ABLIM2: variants seen among roughly 807,000 people sequenced by gnomAD.
The protein encoded by ABLIM2 is actin binding LIM protein family member 2, also known as actin-binding LIM protein 2.
A neutral mutation model predicts 97.7 loss-of-function variants in ABLIM2; 53 were observed. The observed-to-expected ratio is 0.54, with a 90% CI of 0.44 to 0.68. ABLIM2 has a LOEUF of 0.68. Ranked by LOEUF, ABLIM2 falls within the 30% of genes least tolerant of loss-of-function variation. The probability of loss-of-function intolerance (pLI) is 0.00; values close to 1 mark genes in which losing one functional copy is unlikely to be tolerated. For missense variants in ABLIM2, 835 were observed against 867.2 expected, an observed-to-expected ratio of 0.96 and a Z score of 0.47; for synonymous variants, 361 against 345.8, an observed-to-expected ratio of 1.04 and a Z score of -0.49.
rs6817659 is a variant in ABLIM2, at chr4:8,061,841, T to G, written c.676-787A>C. Among the ~76,000 whole-genome samples, 1 of 151,924 alleles carries G rather than the reference T, an allele frequency of 6.6e-6. No homozygotes were observed. The highest frequency in any genetic ancestry group is 2.4e-5 in the African/African-American group (1 of 41,322). ...CTACATCTGAATTTATAATAACCAG[T>G]TTCCTGAATCAGTAAGTAAAGGGCT... On this transcript the variant is annotated intron_variant, in intron 6 of 20. Coordinates refer to ENST00000447017, the MANE Select transcript of ABLIM2 (RefSeq NM_001130083.2). This position sits in a 1 kb window ranked among gnomAD's most constrained non-coding sequence, Gnocchi z 4.5.
In ABLIM2 at chr4:8,075,381, A is replaced by G. The variant is rs766549964; in HGVS notation, c.675+2247T>C. ...ACTGTGGAGATGGCTGCAAATATCTATGGTTATTGATAAAGAAAACCATTG... is the reference window on the plus strand; with the variant it reads ...ACTGTGGAGATGGCTGCAAATATCTGTGGTTATTGATAAAGAAAACCATTG... On this transcript the variant is annotated intron_variant, in intron 6 of 20. Transcript: ENST00000447017. The surrounding 1 kb of genome is among the most constrained non-coding windows in gnomAD (Gnocchi z 4.4). Among the ~76,000 whole-genome samples the G allele has an allele frequency of 6.6e-6, 1 of 152,164 alleles. No individual in the cohort carries two copies. The highest frequency in any genetic ancestry group is 2.4e-5 in the African/African-American group (1 of 41,440).
rs1031949359 is a variant in ABLIM2, at chr4:8,015,933, G to A, written c.1423+3685C>T. On this transcript the variant is annotated intron_variant, in intron 14 of 20. Transcript: ENST00000447017. This position sits in a 1 kb window ranked among gnomAD's most constrained non-coding sequence, Gnocchi z 4.6. ...TTTCCTAAATTTTATATAGCAAATC[G>A]ATGATAAAATCACCACACTTCCTCA... Among the ~76,000 whole-genome samples the A allele has an allele frequency of 6.6e-6, 1 of 151,696 alleles. No homozygotes were observed. Among genetic ancestry groups the A allele is most frequent in the Non-Finnish European group, 1.5e-5 (1 of 67,988 alleles).
chr4:8,153,682 C>G (rs777892133), intron 1 of ABLIM2, among the ~76,000 whole-genome samples: 2 of 150,926 alleles, frequency 1.3e-5, no homozygotes. Context: ...GGGCTTCTCC[C>G]GGAGTGATGG....
At chr4:8,100,379 C>T (rs1833905512) in intron 2 of ABLIM2, among the ~76,000 whole-genome samples, 1 of 152,174 alleles carries the variant, frequency 6.6e-6, no homozygotes, top group Non-Finnish European at 1.5e-5. Context: ...GTTACTTACC[C>T]TCTCTGAACC....
chr4:8,081,005 T>C (rs997481454), intron 4 of ABLIM2, among the ~76,000 whole-genome samples: 1 of 152,142 alleles, frequency 6.6e-6, no homozygotes, highest in Non-Finnish European at 1.5e-5. Context: ...AGTTTGACCC[T>C]GCATGCATTG....
rs1755145737 is a variant in ABLIM2, at chr4:7,998,785, G to A, written c.1619-5858C>T. On this transcript the variant is annotated intron_variant, in intron 16 of 20. Coordinates refer to ENST00000447017, the MANE Select transcript of ABLIM2 (RefSeq NM_001130083.2). This position sits in a 1 kb window ranked among gnomAD's most constrained non-coding sequence, Gnocchi z 6.4. Reference sequence around the variant, plus strand: ...GCTGGGTGGGGGTGGGAGTGGGCAGGCAGGGCTGCTGTCCCTTGAGGTCCC... The same window carrying A: ...GCTGGGTGGGGGTGGGAGTGGGCAGACAGGGCTGCTGTCCCTTGAGGTCCC... 2 of 451,408 alleles carry A rather than the reference G, an allele frequency of 4.4e-6. No homozygotes were observed. The highest frequency in any genetic ancestry group is 4.9e-4 in the Middle Eastern group (1 of 2,028). 28.0% of individuals were successfully genotyped at this position (451,408 alleles called of 1,614,324 possible).
At chr4:7,995,732 A>G (rs77399097) in intron 16 of ABLIM2, among the ~76,000 whole-genome samples, 2,229 of 152,320 alleles carry the variant, frequency 0.015, 41 homozygotes, top group African/African-American at 0.049. Flanking sequence ...CCCTCGACGC[A>G]TGAGCTTTTA....
Position 7,994,260 on chromosome 4 carries a change from C to T in ABLIM2, c.1619-1333G>A, listed in dbSNP as rs796360060. On this transcript the variant is annotated intron_variant, in intron 16 of 20. Coordinates refer to ENST00000447017, the MANE Select transcript of ABLIM2 (RefSeq NM_001130083.2). Reference sequence around the variant, plus strand: ...CTATCCCTCCCCCCTCCCCCGACCCCACCACAGTCCCCAGAGTGTGATATT... The same window carrying T: ...CTATCCCTCCCCCCTCCCCCGACCCTACCACAGTCCCCAGAGTGTGATATT... 2.4e-3 allele frequency among the ~76,000 whole-genome samples: 67 copies of T among 28,070 alleles called. 5 individuals carry two copies. The highest frequency in any genetic ancestry group is 5.3e-3 in the African/African-American group (60 of 11,362). 18.4% of individuals were successfully genotyped at this position (28,070 alleles called of 152,430 possible).
At chr4:8,146,099 T>G (rs1249603397) in intron 1 of ABLIM2, among the ~76,000 whole-genome samples, 1 of 152,248 alleles carries the variant, frequency 6.6e-6, no homozygotes, top group Non-Finnish European at 1.5e-5. Flanking sequence ...CTGTAAGAAA[T>G]GATGCGTCCT....
intron 9 of ABLIM2, among the ~76,000 whole-genome samples, chr4:8,042,798 C>T (rs954286072): frequency 4.9e-5 from 7 of 142,796 alleles, no homozygotes; most frequent in South Asian, 2.2e-4. Context: ...GAGATGGAGC[C>T]GTGGCACTCC....
rs965184004 is a variant in ABLIM2 at position 7,966,755 on chromosome 4, T to C, written c.*235A>G. The C allele has an allele frequency of 1.8e-6, 1 of 540,550 alleles. No homozygotes were observed. The highest frequency in any genetic ancestry group is 3.3e-6 in the Non-Finnish European group (1 of 302,020). The allele number at this position is 540,550 out of a possible 1,614,324, so 33.5% of individuals were successfully genotyped here. ...ACACAGCCACTCTACAGCCTCTCCCTGACACCAAGCCACAGCGGGGAAGGG... is the reference window on the plus strand; with the variant it reads ...ACACAGCCACTCTACAGCCTCTCCCCGACACCAAGCCACAGCGGGGAAGGG... On this transcript the variant is annotated 3_prime_UTR_variant, in exon 21 of 21. Transcript: ENST00000447017.
chr4:7,973,562 T>C (rs1355891939), intron 20 of ABLIM2, among the ~76,000 whole-genome samples: 1 of 149,170 alleles, frequency 6.7e-6, no homozygotes, highest in Non-Finnish European at 1.5e-5. Context: ...CCGGGAAAGG[T>C]GAGGACAGGA....
chr4:8,047,158 C>T (rs1024731917), intron 8 of ABLIM2, among the ~76,000 whole-genome samples: 12 of 152,158 alleles, frequency 7.9e-5, no homozygotes, highest in Admixed American at 2.6e-4. Flanking sequence ...CAACCCTGTG[C>T]GGCATGTGGG....
rs766434771 is a variant in ABLIM2 at position 8,004,021 on chromosome 4, G to T, written c.1618+4038C>A. ...TTCCTTCGACCACGGACTAAGGAACGCGAGAAGAACTCTTCTGCCCCATCT... is the reference window on the plus strand; with the variant it reads ...TTCCTTCGACCACGGACTAAGGAACTCGAGAAGAACTCTTCTGCCCCATCT... On this transcript the variant is annotated intron_variant, in intron 16 of 20. Coordinates refer to ENST00000447017, the MANE Select transcript of ABLIM2 (RefSeq NM_001130083.2). The surrounding 1 kb of genome is among the most constrained non-coding windows in gnomAD (Gnocchi z 5.9). 1.3e-5 allele frequency among the ~76,000 whole-genome samples: 2 copies of T among 152,092 alleles called. No homozygotes were observed. Among genetic ancestry groups the T allele is most frequent in the African/African-American group, 2.4e-5 (1 of 41,412 alleles).
rs1353452823 is a variant in ABLIM2 at position 8,005,767 on chromosome 4, G to A, written c.1618+2292C>T. The stretch of plus-strand genomic sequence containing the variant: ...AATGGTTAGACACAGCGGGTTTCCT[G>A]CTCAGAGGAAGTGGATGTTAGCACA... On this transcript the variant is annotated intron_variant, in intron 16 of 20. Transcript: ENST00000447017. This position sits in a 1 kb window ranked among gnomAD's most constrained non-coding sequence, Gnocchi z 4.9. Among the ~76,000 whole-genome samples the A allele has an allele frequency of 2.0e-5, 3 of 152,228 alleles. No individual in the cohort carries two copies. Among genetic ancestry groups the A allele is most frequent in the Non-Finnish European group, 2.9e-5 (2 of 68,040 alleles).
At chr4:8,041,601 TAAA>T (rs1193277449) in intron 9 of ABLIM2, among the ~76,000 whole-genome samples, 4 of 137,530 alleles carry the variant, frequency 2.9e-5, no homozygotes, top group African/African-American at 2.7e-5. Context: ...CCAGTTTGTT[TAAA>T]AAAAAAAAAA....
intron 14 of ABLIM2, 57 bp from the exon 15 acceptor site, chr4:8,009,159 C>T: frequency 1.3e-6 from 2 of 1,599,898 alleles, no homozygotes; most frequent in South Asian, 2.2e-5. Flanking sequence ...GGGTTTCTGC[C>T]TCATGGTTTC....
intron 7 of ABLIM2, among the ~76,000 whole-genome samples, chr4:8,056,529 G>C (rs1359981600): frequency 2.6e-5 from 4 of 151,812 alleles, no homozygotes; most frequent in Non-Finnish European, 5.9e-5. Flanking sequence ...TCAAACTCCT[G>C]GGCTCAAGCA....
At chr4:7,980,562 A>G (rs1045759625) in intron 20 of ABLIM2, among the ~76,000 whole-genome samples, 18 of 152,008 alleles carry the variant, frequency 1.2e-4, no homozygotes, top group Non-Finnish European at 2.5e-4. Context: ...TAAAAATAAA[A>G]AAATTAGCCA....
Sources: allele counts gnomAD v4.1 joint callset (sites outside exome capture counted in the v4.1 genomes callset), GRCh38; gene constraint gnomAD v4.1.1; non-coding constraint Gnocchi (gnomAD v3.1); transcripts MANE v1.5; gene names NCBI Gene and HGNC (gene_info 2026-07-23, HGNC 2026-07-21).